The following KCNH5 variants were observed in gnomAD, a reference collection of about 807,000 sequenced individuals.
KCNH5 encodes voltage-gated delayed rectifier potassium channel KCNH5.
Under a neutral mutation model 96.1 loss-of-function variants are expected in KCNH5, and 46 were observed. The ratio of observed to expected loss-of-function variants is 0.48; its 90% CI spans 0.38 to 0.61. KCNH5 has a LOEUF of 0.61. Ranked by LOEUF, KCNH5 falls within the 20% of genes least tolerant of loss-of-function variation. The pLI is 0.00. For synonymous variants in KCNH5, 439 were observed against 449.8 expected (o/e 0.98, Z 0.30); for missense variants, 907 against 1,225.8 (o/e 0.74, Z 3.88).
Position 62,802,578 on chromosome 14 carries a change from G to A in KCNH5, c.1573C>T (p.Leu525Phe). The A allele has an allele frequency of 1.9e-6, 3 of 1,613,634 alleles. No individual in the cohort carries two copies. In the South Asian group the frequency reaches 3.3e-5, roughly 18 times the overall value. The part of the protein sequence containing the change: ...MSKGIDTEKV[L>F]SICPKDMRAD... ...CTCATGTCCTTGGGACAGATGGAGAGGACCTAAAGAAGGTGAGAGATGAAT... is the reference window on the plus strand; with the variant it reads ...CTCATGTCCTTGGGACAGATGGAGAAGACCTAAAGAAGGTGAGAGATGAAT... Residue 525 changes from leucine (L) to phenylalanine (F), a missense_variant, in exon 9 of 11, where the codon CTC becomes TTC. By Grantham distance (22) the Leu-to-Phe change is conservative. Coordinates refer to ENST00000322893, the MANE Select transcript of KCNH5 (RefSeq NM_139318.5).
chr14:62,726,240 C>T (rs958834740), intron 10 of KCNH5, among the ~76,000 whole-genome samples: 12 of 151,810 alleles, frequency 7.9e-5, no homozygotes, highest in South Asian at 2.1e-4. Context: ...TGTTGGGATA[C>T]GATAAGATTT....
At chr14:62,785,287 C>T (rs1008588410) in intron 9 of KCNH5, among the ~76,000 whole-genome samples, 4 of 152,206 alleles carry the variant, frequency 2.6e-5, no homozygotes, top group African/African-American at 7.2e-5. Context: ...TACAGTAAGT[C>T]ATCCCAGAAA....
chr14:62,870,088 T>C (rs890413679), intron 7 of KCNH5, among the ~76,000 whole-genome samples: 5 of 144,740 alleles, frequency 3.5e-5, no homozygotes, highest in African/African-American at 5.8e-5. Context: ...AAAAGAGACC[T>C]TTTAGGAAGT....
chr14:62,905,290 C>A (rs930918487), intron 7 of KCNH5, among the ~76,000 whole-genome samples: 2 of 152,064 alleles, frequency 1.3e-5, no homozygotes, highest in Non-Finnish European at 2.9e-5. Flanking sequence ...TGCATAATAA[C>A]CCTATTAGCT....
chr14:62,808,934 C>T (rs1886821975), intron 8 of KCNH5, among the ~76,000 whole-genome samples: 1 of 151,984 alleles, frequency 6.6e-6, no homozygotes, highest in African/African-American at 2.4e-5. Context: ...TTTCTAATAC[C>T]TTTGGAAATT....
At chr14:63,008,980 A>G (rs1171304689) in intron 2 of KCNH5, among the ~76,000 whole-genome samples, 1 of 152,148 alleles carries the variant, frequency 6.6e-6, no homozygotes, top group Non-Finnish European at 1.5e-5. Flanking sequence ...TAAAGCAGAA[A>G]CATTTTAAAA....
At chr14:62,881,451 G>A (rs1262138828) in intron 7 of KCNH5, among the ~76,000 whole-genome samples, 4 of 152,066 alleles carry the variant, frequency 2.6e-5, no homozygotes, top group African/African-American at 7.2e-5. Context: ...GATGAGAACA[G>A]AACAACACAC....
At chr14:62,807,017 T>C (rs895599950) in intron 8 of KCNH5, among the ~76,000 whole-genome samples, 2 of 152,148 alleles carry the variant, frequency 1.3e-5, no homozygotes, top group African/African-American at 4.8e-5. Flanking sequence ...AGCAGCTGCC[T>C]GAACTTTTCA....
At chr14:62,720,743 AAAC>A (rs1263927228) in intron 10 of KCNH5, among the ~76,000 whole-genome samples, 7 of 152,156 alleles carry the variant, frequency 4.6e-5, no homozygotes, top group African/African-American at 7.2e-5. Context: ...CCCAGAGGAA[AAAC>A]AACAACAACA....
chr14:62,773,079 A>T (rs938041574), intron 10 of KCNH5, among the ~76,000 whole-genome samples: 1 of 152,204 alleles, frequency 6.6e-6, no homozygotes, highest in Admixed American at 6.5e-5. Flanking sequence ...ACAATCAAGT[A>T]TTGGATTTTA....
At chr14:62,986,421 G>A (rs6573468) in intron 5 of KCNH5, among the ~76,000 whole-genome samples, 46,469 of 151,896 alleles carry the variant, frequency 0.31, 9,035 homozygotes, top group East Asian at 0.58. Context: ...CCCCATATGA[G>A]TTCAACTACA....
chr14:62,939,563 G>A (rs533241551), intron 7 of KCNH5, among the ~76,000 whole-genome samples: 1 of 152,126 alleles, frequency 6.6e-6, no homozygotes, highest in Non-Finnish European at 1.5e-5. Context: ...GAATTTGCTA[G>A]AAATCTACAA....
chr14:62,955,759 G>T (rs896402614), intron 6 of KCNH5, among the ~76,000 whole-genome samples: 1 of 152,170 alleles, frequency 6.6e-6, no homozygotes, highest in Non-Finnish European at 1.5e-5. Flanking sequence ...AGGGGTCCGT[G>T]GAGGCCCTGG....
rs1394413776 is a variant in KCNH5 at position 62,817,203 on chromosome 14, CATATATT to C, written c.1570-14629_1570-14623del. Among the ~76,000 whole-genome samples, 48 of 130,870 alleles carry C rather than the reference CATATATT, an allele frequency of 3.7e-4. No homozygotes were observed. The East Asian group carries it at 4.6e-3, about 12-fold the overall frequency. The allele number at this position is 130,870 out of a possible 152,430, so 85.9% of individuals were successfully genotyped here. A position where few individuals can be genotyped will look rare whatever the true frequency, so the allele number is the denominator to read the frequency against. Reference sequence around the variant, plus strand: ...ATACTATATATTATATATCATATATCATATATTATATATTATATATAATATAATACAT... The same window carrying C: ...ATACTATATATTATATATCATATATCATATATTATATATAATATAATACAT... On this transcript the variant is annotated intron_variant, in intron 8 of 10. Transcript: ENST00000322893.
chr14:62,883,047 A>T (rs957113934), intron 7 of KCNH5, among the ~76,000 whole-genome samples: 11 of 152,234 alleles, frequency 7.2e-5, no homozygotes, highest in Admixed American at 7.2e-4. Context: ...TTCACCTAAA[A>T]TTACATTGAG....
intron 10 of KCNH5, among the ~76,000 whole-genome samples, chr14:62,735,234 T>C (rs1885132535): frequency 1.3e-5 from 2 of 152,032 alleles, no homozygotes; most frequent in African/African-American, 2.4e-5. Flanking sequence ...ATCAAACCAA[T>C]GTTGATGATA....
rs755893047 is a variant in KCNH5 at position 62,802,590 on chromosome 14, G to T, written c.1570-9C>A. On this transcript the variant is annotated splice_polypyrimidine_tract_variant and intron_variant, in intron 8 of 10. Coordinates refer to ENST00000322893, the MANE Select transcript of KCNH5 (RefSeq NM_139318.5). The stretch of plus-strand genomic sequence containing the variant: ...GGACAGATGGAGAGGACCTAAAGAA[G>T]GTGAGAGATGAATAAGTGAAAAGGA... The T allele has an allele frequency of 6.2e-7, 1 of 1,611,728 alleles. No individual in the cohort carries two copies.
At chr14:62,879,946 C>A (rs948321282) in intron 7 of KCNH5, among the ~76,000 whole-genome samples, 2 of 152,136 alleles carry the variant, frequency 1.3e-5, no homozygotes, top group African/African-American at 2.4e-5. Flanking sequence ...TTTGTATCTA[C>A]TTTCTGCTAC....
intron 4 of KCNH5, among the ~76,000 whole-genome samples, chr14:62,991,610 T>G (rs1890809638): frequency 6.6e-6 from 1 of 151,986 alleles, no homozygotes; most frequent in Non-Finnish European, 1.5e-5. Flanking sequence ...AATGAATGTT[T>G]TGGTACACAT....
Sources: gnomAD v4.1 joint callset for allele counts (sites outside exome capture counted in the v4.1 genomes callset) on GRCh38, gnomAD v4.1.1 for gene constraint, MANE v1.5 for transcripts, NCBI Gene and HGNC (gene_info 2026-07-23, HGNC 2026-07-21) for gene names.